ARHGAP44: variants seen among roughly 807,000 people sequenced by gnomAD.
ARHGAP44 encodes the protein Rho GTPase activating protein 44.
Under a neutral mutation model 106.8 loss-of-function variants are expected in ARHGAP44, and 43 were observed. The observed-to-expected ratio is 0.40, with a 90% CI of 0.32 to 0.52. ARHGAP44 has a LOEUF of 0.52. ARHGAP44 is among the 20% of genes least tolerant of loss of function. The pLI is 0.48. For missense variants in ARHGAP44, 866 were observed against 1,050.5 expected (o/e 0.82, Z 2.43); for synonymous variants, 439 against 410.3 (o/e 1.07, Z -0.85).
Position 12,990,206 on chromosome 17 carries a change from C to T in ARHGAP44, c.*35C>T, listed in dbSNP as rs758151432. ...GCCCATCCTGCCTCGCGTGTACATACATCACGGGCCCTAGGAACGCCGCCA... is the reference window on the plus strand; with the variant it reads ...GCCCATCCTGCCTCGCGTGTACATATATCACGGGCCCTAGGAACGCCGCCA... On this transcript the variant is annotated 3_prime_UTR_variant, in exon 21 of 21. Coordinates refer to ENST00000379672, the MANE Select transcript of ARHGAP44 (RefSeq NM_014859.6). 1.6e-5 allele frequency: 26 copies of T among 1,585,400 alleles called. No homozygotes were observed. The highest frequency in any genetic ancestry group is 4.0e-5 in the African/African-American group (3 of 74,476).
At chr17:12,823,568 A>G (rs1243748843) in intron 1 of ARHGAP44, among the ~76,000 whole-genome samples, 1 of 152,092 alleles carries the variant, frequency 6.6e-6, no homozygotes, top group Non-Finnish European at 1.5e-5. Context: ...TTCTTTCTCT[A>G]TCCTTCCATC....
At chr17:12,889,960 C>A (rs1256101628) in intron 1 of ARHGAP44, among the ~76,000 whole-genome samples, 1 of 152,192 alleles carries the variant, frequency 6.6e-6, no homozygotes, top group Non-Finnish European at 1.5e-5. Flanking sequence ...CATTTTTACT[C>A]CATGTGTAAC....
At position 12,980,224 on chromosome 17, in the gene ARHGAP44, C is replaced by A; in HGVS notation, c.1930C>A (p.Leu644Ile). ...QPPADQSPHT[L>I]RKVSKKLAPI... ...GCCTGCAGACCAGAGTCCTCACACC[C>A]TCCGGAAAGGTATGGCCCTGCTTCC... The change falls in exon 19 of 21, where the codon CTC (leucine) becomes ATC (isoleucine). Residue 644 changes from leucine (L) to isoleucine (I), a missense_variant. Physicochemically the swap from Leu to Ile is conservative, Grantham distance 5. Around this residue, in one of 2 missense-constraint regions of ARHGAP44, gnomAD observed 418 missense variants for 403.6 expected, o/e 1.04. Coordinates refer to ENST00000379672, the MANE Select transcript of ARHGAP44 (RefSeq NM_014859.6). 1 of 1,611,846 alleles carries A rather than the reference C, an allele frequency of 6.2e-7. No homozygotes were observed. Among genetic ancestry groups the A allele is most frequent in the Non-Finnish European group, 8.5e-7 (1 of 1,179,262 alleles).
At chr17:12,893,637 A>T (rs553373858) in intron 1 of ARHGAP44, among the ~76,000 whole-genome samples, 1 of 152,282 alleles carries the variant, frequency 6.6e-6, no homozygotes, top group East Asian at 1.9e-4. Context: ...TGGTTGTTAC[A>T]GCCTGGTAGG....
chr17:12,930,070 G>A (rs543306103), intron 7 of ARHGAP44, among the ~76,000 whole-genome samples: 22 of 152,182 alleles, frequency 1.4e-4, no homozygotes, highest in Non-Finnish European at 2.4e-4. Flanking sequence ...AGCAAAGTAA[G>A]ACTAGTACTT....
At chr17:12,921,287 G>A (rs553822366) in intron 6 of ARHGAP44, among the ~76,000 whole-genome samples, 5 of 152,092 alleles carry the variant, frequency 3.3e-5, no homozygotes, top group African/African-American at 9.6e-5. Flanking sequence ...GGCTGTTCAC[G>A]AACTCCTGAC....
chr17:12,856,798 G>T (rs1404544515), intron 1 of ARHGAP44, among the ~76,000 whole-genome samples: 1 of 152,148 alleles, frequency 6.6e-6, no homozygotes, highest in Non-Finnish European at 1.5e-5. Context: ...TGAATGTCGA[G>T]CTTTAACAAT....
intron 20 of ARHGAP44, chr17:12,987,105 G>A (rs1429340069): frequency 9.8e-6 from 15 of 1,532,346 alleles, no homozygotes; most frequent in Admixed American, 4.0e-5. Flanking sequence ...TTGCAGCTGT[G>A]TGACATGAGT....
chr17:12,884,823 C>T (rs1194889773), intron 1 of ARHGAP44, among the ~76,000 whole-genome samples: 2 of 152,106 alleles, frequency 1.3e-5, no homozygotes, highest in Non-Finnish European at 2.9e-5. Context: ...TTACACTGAG[C>T]GTAATGGTTT....
In ARHGAP44 at chr17:12,984,563, G is replaced by A. The variant is rs1391480146; in HGVS notation, c.1972G>A (p.Val658Ile). 9 of 1,538,518 alleles carry A rather than the reference G, an allele frequency of 5.8e-6. No homozygotes were observed. Among genetic ancestry groups the A allele is most frequent in the South Asian group, 3.7e-5 (3 of 80,052 alleles). Reference protein sequence around the residue: ...SKKLAPIPPKVPFGQPGAMAD... With the variant: ...SKKLAPIPPKIPFGQPGAMAD... Reference sequence around the variant, plus strand: ...GAAGCTGGCACCGATTCCACCCAAGGTCCCCTTTGGCCAGCCGGGGGCTAT... The same window carrying A: ...GAAGCTGGCACCGATTCCACCCAAGATCCCCTTTGGCCAGCCGGGGGCTAT... The change falls in exon 20 of 21, where the codon GTC becomes ATC. Residue 658 changes from valine (V) to isoleucine (I), a missense_variant. Val to Ile is a conservative substitution (Grantham distance 29, BLOSUM62 3). Around this residue, in one of 2 missense-constraint regions of ARHGAP44, gnomAD observed 418 missense variants for 403.6 expected, o/e 1.04. Coordinates refer to ENST00000379672, the MANE Select transcript of ARHGAP44 (RefSeq NM_014859.6).
rs1016246783 is a variant in ARHGAP44, at chr17:12,970,955, C to A, written c.1524-2347C>A. ...AAATGCACTTTTAGGCTTCCAACAG[C>A]ATTGCTGCTGCCGTTGTGATTGATT... On this transcript the variant is annotated intron_variant, in intron 16 of 20. Coordinates refer to ENST00000379672, the MANE Select transcript of ARHGAP44 (RefSeq NM_014859.6). Among the ~76,000 whole-genome samples, 97 of 152,326 alleles carry A rather than the reference C, an allele frequency of 6.4e-4. 1 individual carries two copies. The highest frequency in any genetic ancestry group is 9.6e-4 in the East Asian group (5 of 5,186).
intron 3 of ARHGAP44, among the ~76,000 whole-genome samples, chr17:12,904,805 A>C (rs553503706): frequency 6.6e-6 from 1 of 152,362 alleles, no homozygotes; most frequent in Admixed American, 6.5e-5. Flanking sequence ...AAATCTGGTC[A>C]CTATTAGGGT....
rs759783337 is a variant in ARHGAP44, at chr17:12,916,023, G to A, written c.387+12G>A. The A allele has an allele frequency of 6.2e-7, 1 of 1,610,838 alleles. No homozygotes were observed. The highest frequency in any genetic ancestry group is 8.5e-7 in the Non-Finnish European group (1 of 1,177,384). ...TTTTGCTGGCGGAGGTAAGCAGCAGGAGTGAGGCCAGGCCTGAAAGAGCAA... is the reference window on the plus strand; with the variant it reads ...TTTTGCTGGCGGAGGTAAGCAGCAGAAGTGAGGCCAGGCCTGAAAGAGCAA... On this transcript the variant is annotated intron_variant, in intron 5 of 20. Coordinates refer to ENST00000379672, the MANE Select transcript of ARHGAP44 (RefSeq NM_014859.6).
chr17:12,799,092 T>C (rs1252285840), intron 1 of ARHGAP44, among the ~76,000 whole-genome samples: 1 of 152,232 alleles, frequency 6.6e-6, no homozygotes, highest in Non-Finnish European at 1.5e-5. Context: ...CGGTCAGTAA[T>C]TAGATTTAAG....
rs113277433 is a variant in ARHGAP44, at chr17:12,983,190, G to A, written c.1940-1341G>A. 8.4e-3 allele frequency among the ~76,000 whole-genome samples: 1,266 copies of A among 151,304 alleles called. 16 individuals carry two copies. Among genetic ancestry groups the A allele is most frequent in the South Asian group, 0.026 (126 of 4,756 alleles). On this transcript the variant is annotated intron_variant, in intron 19 of 20. Coordinates refer to ENST00000379672, the MANE Select transcript of ARHGAP44 (RefSeq NM_014859.6). Reference sequence around the variant, plus strand: ...TGAGGCAGGAGAATGGCATGAACCCGGGAGGCGGAGTTTGCAGAGAGCCGA... The same window carrying A: ...TGAGGCAGGAGAATGGCATGAACCCAGGAGGCGGAGTTTGCAGAGAGCCGA...
intron 6 of ARHGAP44, among the ~76,000 whole-genome samples, chr17:12,925,388 G>A (rs1173587043): frequency 1.3e-5 from 2 of 152,156 alleles, no homozygotes; most frequent in Non-Finnish European, 2.9e-5. Context: ...CAGAGTGGAA[G>A]CAGGAACTTA....
chr17:12,860,626 A>G (rs1413971194), intron 1 of ARHGAP44, among the ~76,000 whole-genome samples: 3 of 151,966 alleles, frequency 2.0e-5, no homozygotes. Flanking sequence ...TATAGATTGG[A>G]TATCTTTTTT....
At chr17:12,824,782 C>T (rs1429739889) in intron 1 of ARHGAP44, among the ~76,000 whole-genome samples, 4 of 151,766 alleles carry the variant, frequency 2.6e-5, no homozygotes, top group Admixed American at 6.6e-5. Context: ...TCCCCTCGTA[C>T]GTCCTTCCTT....
At chr17:12,869,949 T>A (rs1324648253) in intron 1 of ARHGAP44, among the ~76,000 whole-genome samples, 1 of 151,976 alleles carries the variant, frequency 6.6e-6, no homozygotes, top group Non-Finnish European at 1.5e-5. Flanking sequence ...CTGTGAAGGG[T>A]TGGGGACAAA....
Sources: allele counts gnomAD v4.1 joint callset (sites outside exome capture counted in the v4.1 genomes callset), GRCh38; gene constraint gnomAD v4.1.1; regional missense constraint gnomAD v4.1.1; transcripts MANE v1.5; gene names NCBI Gene and HGNC (gene_info 2026-07-23, HGNC 2026-07-21).